Variants in DIMT1 observed in about 807,000 individuals in gnomAD.
DIMT1 encodes the protein dimethyladenosine transferase.
DIMT1 carries 36 observed loss-of-function variants against 43.2 expected under a neutral mutation model. The ratio of observed to expected loss-of-function variants is 0.83; its 90% confidence interval spans 0.64 to 1.10. The LOEUF is 1.10. DIMT1 is among the 50% of genes least tolerant of loss of function. DIMT1 has a pLI of 0.00. For synonymous variants in DIMT1, 126 were observed against 130.3 expected (o/e 0.97, Z 0.22); for missense variants, 341 against 385.3 (o/e 0.88, Z 0.96).
intron 6 of DIMT1, among the ~76,000 whole-genome samples, chr5:62,397,270 T>C (rs1026129011): frequency 5.3e-5 from 8 of 152,174 alleles, no homozygotes; most frequent in African/African-American, 1.7e-4. Flanking sequence ...ATCCCAGTTA[T>C]GTAAAATTTC....
In DIMT1 at chr5:62,396,139, G is replaced by GTTTTTTTTTTTTTTTTTTTTTTTTTTTT. The variant is rs758847833; in HGVS notation, c.447-1533_447-1532insAAAAAAAAAAAAAAAAAAAAAAAAAAAA. On this transcript the variant is annotated intron_variant, in intron 6 of 11. Coordinates refer to ENST00000199320, the MANE Select transcript of DIMT1 (RefSeq NM_014473.4). ...GGGGAATTTAGCCATGTCACTGCAG[G>GTTTTTTTTTTTTTTTTTTTTTTTTTTTT]TTTTTTTTTTTTACATTATTAACTG... Among the ~76,000 whole-genome samples, 185 of 116,722 alleles carry GTTTTTTTTTTTTTTTTTTTTTTTTTTTT rather than the reference G, an allele frequency of 1.6e-3. 29 individuals are homozygous for GTTTTTTTTTTTTTTTTTTTTTTTTTTTT. The highest frequency in any genetic ancestry group is 3.4e-3 in the East Asian group (12 of 3,558). The allele number at this position is 116,722 out of a possible 152,430, so 76.6% of individuals were successfully genotyped here.
At position 62,403,464 on chromosome 5, in the gene DIMT1, C is replaced by A; in HGVS notation, c.80-118G>T. The A allele has an allele frequency of 5.6e-6, 6 of 1,078,262 alleles. No homozygotes were observed. The South Asian group carries it at 6.5e-5, about 12-fold the overall frequency. The allele number at this position is 1,078,262 out of a possible 1,614,324, so 66.8% of individuals were successfully genotyped here. On this transcript the variant is annotated intron_variant, in intron 1 of 11. Transcript: ENST00000199320. ...TTCTGCGCCAACCAGGGCCACGAAA[C>A]GTCACGCCAGGACTGACAAACTCTT...
Position 62,394,033 on chromosome 5 carries a change from G to GT in DIMT1, c.584dup (p.Asn195LysfsTer18), listed in dbSNP as rs1742395589. ...ATTCCACCTTGGGCGGTGGTCTGAA[G>GT]TTATTCTTTCCCACCTGTTAATGAA... is the stretch of plus-strand genomic sequence containing the variant. On this transcript the variant is annotated frameshift_variant, in exon 8 of 12. Transcript: ENST00000199320. LOFTEE classifies it high-confidence loss of function. The GT allele has an allele frequency of 6.2e-7, 1 of 1,611,198 alleles. No homozygotes were observed. The highest frequency in any genetic ancestry group is 1.3e-5 in the African/African-American group (1 of 74,672).
chr5:62,390,731 C>G, intron 11 of DIMT1, 145 bp downstream of exon 11: 2 of 669,740 alleles, frequency 3.0e-6, no homozygotes, highest in South Asian at 3.7e-5. Context: ...ATCTTCTACA[C>G]CAAATACTAT....
chr5:62,393,561 A>G (rs1742376981), intron 8 of DIMT1, among the ~76,000 whole-genome samples: 1 of 152,208 alleles, frequency 6.6e-6, no homozygotes, highest in African/African-American at 2.4e-5. Flanking sequence ...TCCATTTACC[A>G]CCAGTTGACC....
Position 62,390,993 on chromosome 5 carries a change from A to G in DIMT1, c.793-11T>C. ...ATCTTCTGGTATTATCTATCAATAT[A>G]AGATTCAGAATAAATGAACGACATA... On this transcript the variant is annotated splice_polypyrimidine_tract_variant and intron_variant, in intron 10 of 11. Coordinates refer to ENST00000199320, the MANE Select transcript of DIMT1 (RefSeq NM_014473.4). The G allele has an allele frequency of 6.2e-7, 1 of 1,605,328 alleles. No individual in the cohort carries two copies. The highest frequency in any genetic ancestry group is 1.1e-5 in the South Asian group (1 of 90,896).
chr5:62,402,019 T>G lies in DIMT1; in HGVS notation c.240+17A>C, dbSNP rs749652057. On this transcript the variant is annotated intron_variant, in intron 3 of 11. Coordinates refer to ENST00000199320, the MANE Select transcript of DIMT1 (RefSeq NM_014473.4). ...ACATAGTCATTTGTGATACCAAACA[T>G]TAAATCCCCTTTCTACCTTTTTTGC... is the stretch of plus-strand genomic sequence containing the variant. The G allele has an allele frequency of 1.2e-6, 2 of 1,611,130 alleles. No individual in the cohort carries two copies. The highest frequency in any genetic ancestry group is 1.7e-6 in the Non-Finnish European group (2 of 1,178,296).
At chr5:62,393,181 G>A (rs376566041) in intron 8 of DIMT1, among the ~76,000 whole-genome samples, 191 bp from the exon 9 acceptor site, 4 of 152,114 alleles carry the variant, frequency 2.6e-5, no homozygotes, top group Admixed American at 2.0e-4. Context: ...TTTGCACTTT[G>A]GCGCATTTCA....
At chr5:62,394,121 C>T in intron 7 of DIMT1, 74 bp from the exon 8 acceptor site, 1 of 1,309,602 alleles carries the variant, frequency 7.6e-7, no homozygotes, top group South Asian at 1.3e-5. Flanking sequence ...GCTATCCTCA[C>T]AGAAGGCACA....
chr5:62,396,049 G>A (rs548461036), intron 6 of DIMT1, among the ~76,000 whole-genome samples: 14 of 149,920 alleles, frequency 9.3e-5, no homozygotes, highest in African/African-American at 3.0e-4. Flanking sequence ...GCTCCATCAA[G>A]TTCAAGACAC....
intron 10 of DIMT1, chr5:62,391,625 T>C: frequency 1.0e-6 from 1 of 961,228 alleles, no homozygotes; most frequent in Non-Finnish European, 1.3e-6. Flanking sequence ...TTTCTCTCTC[T>C]GTTCTAATTA....
At position 62,389,062 on chromosome 5, in the gene DIMT1, G is replaced by C; in HGVS notation, c.900-10C>G. 6.3e-7 allele frequency: 1 copy of C among 1,582,812 alleles called. No homozygotes were observed. The highest frequency in any genetic ancestry group is 8.7e-7 in the Non-Finnish European group (1 of 1,154,616). ...GAATCCATGTAGCAATCTGAAAAAA[G>C]AAATCAAAATGGAATGGTACTGAAA... On this transcript the variant is annotated splice_polypyrimidine_tract_variant and intron_variant, in intron 11 of 11. Transcript: ENST00000199320.
rs1041427148 is a variant in DIMT1 at position 62,403,872 on chromosome 5, C to G, written c.-100G>C. The G allele has an allele frequency of 2.1e-5, 28 of 1,307,426 alleles. No homozygotes were observed. Among genetic ancestry groups the G allele is most frequent in the East Asian group, 2.5e-5 (1 of 39,858 alleles). 81.0% of individuals were successfully genotyped at this position (1,307,426 alleles called of 1,614,324 possible). ...GTGGGGATCGCCGCCACGCGCCGCCCGCACCACTCTGGCCCAAGCGCCGGA... is the reference window on the plus strand; with the variant it reads ...GTGGGGATCGCCGCCACGCGCCGCCGGCACCACTCTGGCCCAAGCGCCGGA... On this transcript the variant is annotated 5_prime_UTR_variant, in exon 1 of 12. Transcript: ENST00000199320.
chr5:62,400,093 G>C (rs1455358877), intron 3 of DIMT1, among the ~76,000 whole-genome samples: 2 of 152,110 alleles, frequency 1.3e-5, no homozygotes, highest in African/African-American at 2.4e-5. Flanking sequence ...AGCGTACAAT[G>C]CAATTGCTCT....
intron 1 of DIMT1, 131 bp from the exon 2 acceptor site, chr5:62,403,477 C>A: frequency 1.0e-6 from 1 of 994,854 alleles, no homozygotes; most frequent in East Asian, 2.6e-5. Flanking sequence ...CACGCCAGGA[C>A]TGACAAACTC....
intron 9 of DIMT1, 76 bp downstream of exon 9, chr5:62,392,850 C>G (rs1742356896): frequency 2.1e-6 from 2 of 968,830 alleles, no homozygotes; most frequent in African/African-American, 3.3e-5. Context: ...GGTAGCTGCT[C>G]AGGAAAAGGA....
Position 62,398,812 on chromosome 5 carries a change from A to G in DIMT1, c.302+8T>C, listed in dbSNP as rs763328597. The G allele has an allele frequency of 1.9e-6, 3 of 1,614,024 alleles. No homozygotes were observed. Among genetic ancestry groups the G allele is most frequent in the South Asian group, 2.2e-5 (2 of 91,078 alleles). On this transcript the variant is annotated splice_region_variant and intron_variant, in intron 4 of 11. Coordinates refer to ENST00000199320, the MANE Select transcript of DIMT1 (RefSeq NM_014473.4). Reference sequence around the variant, plus strand: ...GAAATGCACTTTAATTCTATTATGTATACTCACGTGCCCTGAACTCTTTTG... The same window carrying G: ...GAAATGCACTTTAATTCTATTATGTGTACTCACGTGCCCTGAACTCTTTTG...
At chr5:62,400,142 A>G (rs1481689308) in intron 3 of DIMT1, among the ~76,000 whole-genome samples, 3 of 152,236 alleles carry the variant, frequency 2.0e-5, no homozygotes, top group South Asian at 2.1e-4. Flanking sequence ...TACACAATAC[A>G]TGGCATAGAT....
At chr5:62,398,442 G>T in intron 6 of DIMT1, 69 bp downstream of exon 6, 3 of 1,477,136 alleles carry the variant, frequency 2.0e-6, no homozygotes, top group Non-Finnish European at 2.8e-6. Flanking sequence ...ACTCATTTTT[G>T]GCTATGTTCA....
Sources: gnomAD v4.1 joint callset for allele counts (sites outside exome capture counted in the v4.1 genomes callset) on GRCh38, gnomAD v4.1.1 for gene constraint, MANE v1.5 for transcripts, NCBI Gene and HGNC (gene_info 2026-07-23, HGNC 2026-07-21) for gene names.